The following CDH12 variants were observed in gnomAD, a reference collection of about 807,000 sequenced individuals.
CDH12 encodes the protein cadherin-12.
CDH12 carries 41 observed loss-of-function variants against 74.1 expected under a neutral mutation model. That is an observed-to-expected ratio of 0.55 (90% CI 0.43 to 0.72). The LOEUF is 0.72. Among genes scored for constraint, CDH12 ranks in the 30% least tolerant of loss-of-function variants. CDH12 has a pLI of 0.00. For missense variants in CDH12, 945 were observed against 977.2 expected (o/e 0.97, Z 0.44); for synonymous variants, 399 against 355.0 (o/e 1.12, Z -1.39).
At chr5:22,310,462 C>CAA (rs33959662) in intron 3 of CDH12, among the ~76,000 whole-genome samples, 11,479 of 138,722 alleles carry the variant, frequency 0.083, 728 homozygotes, top group African/African-American at 0.18. Flanking sequence ...GACTCTGTCT[C>CAA]AAAAAAAAAA....
At chr5:22,069,867 A>G (rs1741823247) in intron 5 of CDH12, among the ~76,000 whole-genome samples, 1 of 152,186 alleles carries the variant, frequency 6.6e-6, no homozygotes, top group Non-Finnish European at 1.5e-5. Flanking sequence ...ATCTAGGCAG[A>G]ACTAGTAACG....
At chr5:22,804,073 A>C (rs1469935959) in intron 1 of CDH12, among the ~76,000 whole-genome samples, 1 of 152,218 alleles carries the variant, frequency 6.6e-6, no homozygotes, top group East Asian at 1.9e-4. Flanking sequence ...TGTATTAAAG[A>C]ATAGAAATAT....
At chr5:22,223,408 T>G (rs557695641) in intron 3 of CDH12, among the ~76,000 whole-genome samples, 2 of 152,126 alleles carry the variant, frequency 1.3e-5, no homozygotes, top group African/African-American at 4.8e-5. Context: ...TTTGATTTAG[T>G]CTAAAAGGGT....
At chr5:22,666,296 T>TC (rs1740614952) in intron 1 of CDH12, among the ~76,000 whole-genome samples, 1 of 91,452 alleles carries the variant, frequency 1.1e-5, no homozygotes, top group Admixed American at 1.2e-4. Flanking sequence ...TTTTTTTTTT[T>TC]TTTTTGTTTT....
At chr5:22,321,507 G>A (rs1310547223) in intron 3 of CDH12, among the ~76,000 whole-genome samples, 4 of 121,822 alleles carry the variant, frequency 3.3e-5, no homozygotes, top group South Asian at 6.8e-4. Context: ...GGTGGGGGGA[G>A]GGGGGAGGGA....
intron 3 of CDH12, among the ~76,000 whole-genome samples, chr5:22,370,422 C>T (rs115404877): frequency 0.012 from 1,820 of 152,066 alleles, 37 homozygotes; most frequent in African/African-American, 0.04. Flanking sequence ...TGGCATCTGT[C>T]AATTAAATAA....
At chr5:22,217,519 A>T (rs914141817) in intron 3 of CDH12, among the ~76,000 whole-genome samples, 1 of 151,740 alleles carries the variant, frequency 6.6e-6, no homozygotes, top group Admixed American at 6.6e-5. Flanking sequence ...TGTAGACATA[A>T]TTGCTTTGCA....
intron 6 of CDH12, among the ~76,000 whole-genome samples, chr5:21,890,808 C>T (rs1752863362): frequency 6.6e-6 from 1 of 152,000 alleles, no homozygotes; most frequent in Non-Finnish European, 1.5e-5. Flanking sequence ...AGTGAGGATA[C>T]TGTCAAATTT....
At chr5:21,824,705 TG>T (rs1236491277) in intron 8 of CDH12, among the ~76,000 whole-genome samples, 1 of 152,200 alleles carries the variant, frequency 6.6e-6, no homozygotes, top group Non-Finnish European at 1.5e-5. Flanking sequence ...CTTAGCTAAA[TG>T]GAAGGCCCCA....
rs141811008 is a variant in CDH12, at chr5:22,453,226, C to T, written c.-427-47875G>A. Among the ~76,000 whole-genome samples the T allele has an allele frequency of 3.9e-3, 593 of 152,152 alleles. 3 individuals are homozygous for T. The highest frequency in any genetic ancestry group is 0.01 in the Middle Eastern group (3 of 294). On this transcript the variant is annotated intron_variant, in intron 2 of 14. Transcript: ENST00000382254. The stretch of plus-strand genomic sequence containing the variant: ...ATTACCATATGATCCCACAATTTCA[C>T]TCCTGGGTATTTTTACAAAGGAAAT...
At chr5:22,228,376 T>C (rs1752266796) in intron 3 of CDH12, among the ~76,000 whole-genome samples, 1 of 152,140 alleles carries the variant, frequency 6.6e-6, no homozygotes, top group South Asian at 2.1e-4. Context: ...TAAGTGTTAC[T>C]TTTCCCCTGC....
intron 5 of CDH12, among the ~76,000 whole-genome samples, chr5:22,042,582 T>C (rs1026046875): frequency 6.6e-6 from 1 of 151,938 alleles, no homozygotes; most frequent in Admixed American, 6.6e-5. Context: ...CTATCAAGAA[T>C]GAATCATGAA....
At chr5:22,500,885 T>A (rs1323812919) in intron 2 of CDH12, among the ~76,000 whole-genome samples, 1 of 152,098 alleles carries the variant, frequency 6.6e-6, no homozygotes, top group Non-Finnish European at 1.5e-5. Context: ...CCATAGACCA[T>A]AACCAAGAAT....
intron 1 of CDH12, among the ~76,000 whole-genome samples, chr5:22,579,205 T>C (rs1352177177): frequency 6.6e-6 from 1 of 152,174 alleles, no homozygotes; most frequent in Non-Finnish European, 1.5e-5. Context: ...AGTTTATGAA[T>C]ATTAGTTCCC....
chr5:22,062,384 A>G (rs548955427), intron 5 of CDH12, among the ~76,000 whole-genome samples: 1 of 152,250 alleles, frequency 6.6e-6, no homozygotes, highest in Non-Finnish European at 1.5e-5. Flanking sequence ...TCTTAAATGT[A>G]TTGCTGTCTA....
intron 1 of CDH12, among the ~76,000 whole-genome samples, chr5:22,563,937 C>T (rs1322538447): frequency 6.6e-6 from 1 of 152,134 alleles, no homozygotes; most frequent in African/African-American, 2.4e-5. Context: ...TCAAGCATCT[C>T]CCACCAGGTC....
chr5:22,040,751 TA>T (rs1044123365), intron 5 of CDH12, among the ~76,000 whole-genome samples: 2 of 151,956 alleles, frequency 1.3e-5, no homozygotes, highest in African/African-American at 4.8e-5. Flanking sequence ...CTCAAACAAG[TA>T]AAAGATGAGG....
chr5:22,245,066 G>A (rs1282902534), intron 3 of CDH12, among the ~76,000 whole-genome samples: 63 of 152,154 alleles, frequency 4.1e-4, no homozygotes, highest in Admixed American at 4.1e-3. Flanking sequence ...GAGGGGAGGT[G>A]CTAGGAAAAG....
In CDH12 at chr5:21,789,600, G is replaced by A. The variant is rs555693919; in HGVS notation, c.1257-6106C>T. ...ATCGCATCCTGCTGCCATTCATTAAGTGGAAACTCCATTCATTTTTGAAAA... is the reference window on the plus strand; with the variant it reads ...ATCGCATCCTGCTGCCATTCATTAAATGGAAACTCCATTCATTTTTGAAAA... On this transcript the variant is annotated intron_variant, in intron 10 of 14. Transcript: ENST00000382254. Among the ~76,000 whole-genome samples the A allele has an allele frequency of 1.1e-4, 16 of 152,218 alleles. No homozygotes were observed. The South Asian group carries it at 3.1e-3, about 30-fold the overall frequency.
Sources: allele counts gnomAD v4.1 joint callset (sites outside exome capture counted in the v4.1 genomes callset), GRCh38; gene constraint gnomAD v4.1.1; transcripts MANE v1.5; gene names NCBI Gene and HGNC (gene_info 2026-07-23, HGNC 2026-07-21).